Variants in MICAL3 observed in about 807,000 individuals in gnomAD.
The protein encoded by MICAL3 is microtubule associated monooxygenase, calponin and LIM domain containing 3.
Under a neutral mutation model 207.4 loss-of-function variants are expected in MICAL3, and 62 were observed. The observed-to-expected ratio is 0.30, with a 90% CI of 0.24 to 0.37. The LOEUF is 0.37. Ranked by LOEUF, MICAL3 falls within the 10% of genes least tolerant of loss-of-function variation. MICAL3 has a pLI of 1.00. For synonymous variants in MICAL3, 1,077 were observed against 1,069.3 expected (o/e 1.01, Z -0.14); for missense variants, 2,368 against 2,635.6 (o/e 0.90, Z 2.22).
chr22:17,955,885 C>T (rs190094715), intron 1 of MICAL3, among the ~76,000 whole-genome samples: 3 of 152,338 alleles, frequency 2.0e-5, no homozygotes, highest in Admixed American at 6.5e-5. Context: ...CGACTCCCCA[C>T]TCAGCTGCAT....
intron 1 of MICAL3, among the ~76,000 whole-genome samples, chr22:17,998,582 G>A (rs1224114640): frequency 5.4e-5 from 8 of 147,948 alleles, no homozygotes; most frequent in Non-Finnish European, 1.2e-4. Flanking sequence ...TTGAGATGAA[G>A]TCTCGCTCTG....
In MICAL3 at chr22:17,903,292, G is replaced by A. The variant is rs1386322753; in HGVS notation, c.473-545C>T. ...CCCCTCCCATTCCTGGTCTATAGCT[G>A]TGGAAACTGAGGCCAGAATGACTGA... On this transcript the variant is annotated intron_variant, in intron 3 of 31. Coordinates refer to ENST00000441493, the MANE Select transcript of MICAL3 (RefSeq NM_015241.3). Among the ~76,000 whole-genome samples, 6 of 152,330 alleles carry A rather than the reference G, an allele frequency of 3.9e-5. No individual in the cohort carries two copies. The South Asian group carries it at 6.2e-4, about 16-fold the overall frequency.
At chr22:17,957,863 G>A (rs993240389) in intron 1 of MICAL3, among the ~76,000 whole-genome samples, 9 of 152,086 alleles carry the variant, frequency 5.9e-5, no homozygotes, top group African/African-American at 1.7e-4. Flanking sequence ...ATCCCACCAC[G>A]GCAGCCTGTC....
At chr22:18,006,260 G>A (rs1309530487) in intron 1 of MICAL3, 2 of 152,302 alleles carry the variant, frequency 1.3e-5, no homozygotes, top group South Asian at 2.1e-4. Context: ...ACCCCCTTCC[G>A]TAAGGAAGGA....
Position 17,881,728 on chromosome 22 carries a change from A to G in MICAL3, c.2241+4150T>C, listed in dbSNP as rs576390459. Reference sequence around the variant, plus strand: ...GCAGCCCCTTCAGGGAGCAGCTGTGATAGTGGCTGGCACTGCTGCCCTCCT... The same window carrying G: ...GCAGCCCCTTCAGGGAGCAGCTGTGGTAGTGGCTGGCACTGCTGCCCTCCT... On this transcript the variant is annotated intron_variant, in intron 16 of 31. Coordinates refer to ENST00000441493, the MANE Select transcript of MICAL3 (RefSeq NM_015241.3). Among the ~76,000 whole-genome samples the G allele has an allele frequency of 9.8e-5, 15 of 152,298 alleles. No homozygotes were observed. In the East Asian group the frequency reaches 2.9e-3, roughly 29 times the overall value.
At chr22:17,809,615 G>C (rs1423843263) in intron 28 of MICAL3, among the ~76,000 whole-genome samples, 2 of 152,034 alleles carry the variant, frequency 1.3e-5, no homozygotes, top group East Asian at 1.9e-4. Context: ...TGGCCACGGA[G>C]TGAGACTCCG....
At chr22:17,802,535 AGGGAGTCTCCAAGGGCGTGGGTCCGT>A (rs371671046) in intron 29 of MICAL3, among the ~76,000 whole-genome samples, 1,761 of 152,242 alleles carry the variant, frequency 0.012, 33 homozygotes, top group African/African-American at 0.04. Flanking sequence ...TGGGACACTG[AGGGAGTCTCCAAGGGCGTGGGTCCGT>A]GGGAGCGTGG....
At chr22:17,914,833 G>A (rs1245743162) in intron 1 of MICAL3, among the ~76,000 whole-genome samples, 2 of 152,158 alleles carry the variant, frequency 1.3e-5, no homozygotes, top group Non-Finnish European at 1.5e-5. Flanking sequence ...GGCATTCTGC[G>A]GCAGGCTCTT....
Position 17,842,009 on chromosome 22 carries a change from C to A in MICAL3, c.2614G>T (p.Val872Leu), listed in dbSNP as rs777701209. Reference protein sequence around the residue: ...SSTERTPGSGVNGLEEPSIAK... With the variant: ...SSTERTPGSGLNGLEEPSIAK... ...ATGCTGGGCTCCTCCAGGCCGTTCA[C>A]GCCTGAACCTGCGGGACAAGCACAG... Residue 872 changes from valine to leucine, a missense_variant, in exon 20 of 32, where the codon GTG becomes TTG. Physicochemically the swap from Val to Leu is conservative, Grantham distance 32. Around this residue, in one of 4 missense-constraint regions of MICAL3, gnomAD observed 1,770 missense variants for 1,863.2 expected, o/e 0.95. Transcript: ENST00000441493. 6.2e-7 allele frequency: 1 copy of A among 1,601,392 alleles called. No homozygotes were observed. The highest frequency in any genetic ancestry group is 2.2e-5 in the East Asian group (1 of 44,800).
chr22:17,949,380 G>A (rs1934225889), intron 1 of MICAL3, among the ~76,000 whole-genome samples: 1 of 152,080 alleles, frequency 6.6e-6, no homozygotes, highest in Non-Finnish European at 1.5e-5. Flanking sequence ...GCAACATTAT[G>A]AGTATAATGT....
At chr22:17,919,016 G>A (rs1265336321) in intron 1 of MICAL3, among the ~76,000 whole-genome samples, 4 of 151,074 alleles carry the variant, frequency 2.6e-5, no homozygotes, top group African/African-American at 7.4e-5. Context: ...CTCTTTCCCT[G>A]GTTTTCTCCA....
intron 29 of MICAL3, among the ~76,000 whole-genome samples, chr22:17,799,367 C>G (rs2061913005): frequency 6.6e-6 from 1 of 152,204 alleles, no homozygotes; most frequent in Non-Finnish European, 1.5e-5. Flanking sequence ...GCCCGGGTGA[C>G]AGAGCCAGAC....
chr22:17,908,990 G>A (rs764516113), intron 1 of MICAL3, among the ~76,000 whole-genome samples: 4 of 152,156 alleles, frequency 2.6e-5, no homozygotes, highest in South Asian at 2.1e-4. Context: ...ACTTCTCTCC[G>A]CACCTCACCA....
In MICAL3 at chr22:17,818,944, T is replaced by C. The variant is rs774549351; in HGVS notation, c.3717A>G (p.Pro1239=). The C allele has an allele frequency of 9.4e-6, 15 of 1,594,732 alleles. No homozygotes were observed. Among genetic ancestry groups the C allele is most frequent in the Non-Finnish European group, 1.2e-5 (14 of 1,170,638 alleles). Residue 1239 remains proline, a synonymous_variant, in exon 26 of 32, where the codon CCA becomes CCG. Transcript: ENST00000441493. The part of the protein sequence containing the change: ...TLPEARTPVS[P]GSPQPQPPVA... ...CGGGTGGCTGGGGCTGCGGGCTCCC[T>C]GGTGAGACAGGAGTCCTAGCTTCTG...
chr22:18,021,301 C>T (rs1446464518), intron 1 of MICAL3, among the ~76,000 whole-genome samples: 4 of 152,340 alleles, frequency 2.6e-5, no homozygotes, highest in Non-Finnish European at 2.9e-5. Context: ...TGCCCTGTCT[C>T]GTGAGATGGA....
intron 1 of MICAL3, among the ~76,000 whole-genome samples, chr22:17,953,645 G>C (rs1934456823): frequency 6.6e-6 from 1 of 152,048 alleles, no homozygotes; most frequent in Non-Finnish European, 1.5e-5. Flanking sequence ...AGAAAAGGAA[G>C]ACTGGCCGGG....
At position 17,818,369 on chromosome 22, in the gene MICAL3, T is replaced by C; in HGVS notation, c.4292A>G (p.His1431Arg). 1.2e-6 allele frequency: 2 copies of C among 1,604,710 alleles called. No individual in the cohort carries two copies. The highest frequency in any genetic ancestry group is 2.2e-5 in the East Asian group (1 of 44,756). Residue 1431 changes from histidine (H) to arginine (R), a missense_variant, in exon 26 of 32, where the codon CAC (histidine) becomes CGC (arginine). Transcript: ENST00000441493. Reference sequence around the variant, plus strand: ...TGTCTTCATGTTGGAGGAGCTCCCGTGCAGGCCCAGGCCAGAGCTGCTGGA... The same window carrying C: ...TGTCTTCATGTTGGAGGAGCTCCCGCGCAGGCCCAGGCCAGAGCTGCTGGA... ...ELSSSSGLGL[H>R]GSSSNMKTLG...
Position 17,828,534 on chromosome 22 carries a change from G to A in MICAL3, c.3056-753C>T, listed in dbSNP as rs78162119. On this transcript the variant is annotated intron_variant, in intron 21 of 31. Coordinates refer to ENST00000441493, the MANE Select transcript of MICAL3 (RefSeq NM_015241.3). Reference sequence around the variant, plus strand: ...AGGGAAGCAGAGCTCTTTCATGTACGTTTCCAAACCCTTGGAATTTCACAG... The same window carrying A: ...AGGGAAGCAGAGCTCTTTCATGTACATTTCCAAACCCTTGGAATTTCACAG... Among the ~76,000 whole-genome samples the A allele has an allele frequency of 7.8e-3, 1,185 of 152,232 alleles. 7 individuals carry two copies. Among genetic ancestry groups the A allele is most frequent in the African/African-American group, 0.027 (1,104 of 41,536 alleles).
chr22:17,983,550 C>T (rs1602346771), intron 1 of MICAL3: 1 of 152,574 alleles, frequency 6.6e-6, no homozygotes, highest in East Asian at 1.9e-4. Flanking sequence ...GCTGCACCTC[C>T]AAACTCTGAC....
Sources: allele counts gnomAD v4.1 joint callset (sites outside exome capture counted in the v4.1 genomes callset), GRCh38; gene constraint gnomAD v4.1.1; regional missense constraint gnomAD v4.1.1; transcripts MANE v1.5; gene names NCBI Gene and HGNC (gene_info 2026-07-23, HGNC 2026-07-21).